NET1: variants seen among roughly 807,000 people sequenced by gnomAD.
The protein encoded by NET1 is neuroepithelial cell transforming 1.
NET1 carries 42 observed loss-of-function variants against 61.1 expected under a neutral mutation model. The ratio of observed to expected loss-of-function variants is 0.69; its 90% CI spans 0.54 to 0.89. The LOEUF (loss-of-function observed/expected upper bound fraction) is 0.89, where lower values mean the gene tolerates loss of function less well. NET1 is among the 40% of genes least tolerant of loss of function. The pLI is 0.00. For missense variants in NET1, 654 were observed against 747.3 expected, an observed-to-expected ratio of 0.88 and a Z score of 1.46; for synonymous variants, 254 against 281.8, an observed-to-expected ratio of 0.90 and a Z score of 0.99.
rs1832751838 is a variant in NET1, at chr10:5,453,930, G to C, written c.769-335G>C. ...AGGCAGTCTCTGCCTTTATAGCCTAGTGAAGGAATAGCCAAGCACATAAAC... is the reference window on the plus strand; with the variant it reads ...AGGCAGTCTCTGCCTTTATAGCCTACTGAAGGAATAGCCAAGCACATAAAC... On this transcript the variant is annotated intron_variant, in intron 8 of 11. Transcript: ENST00000355029. This position sits in a 1 kb window ranked among gnomAD's most constrained non-coding sequence, Gnocchi z 4.9. Among the ~76,000 whole-genome samples the C allele has an allele frequency of 6.6e-6, 1 of 152,144 alleles. No individual in the cohort carries two copies. The highest frequency in any genetic ancestry group is 1.9e-4 in the East Asian group (1 of 5,174).
chr10:5,423,094 G>T lies in NET1; in HGVS notation c.129-3561G>T, dbSNP rs1405640148. Among the ~76,000 whole-genome samples, 2 of 152,156 alleles carry T rather than the reference G, an allele frequency of 1.3e-5. No homozygotes were observed. The highest frequency in any genetic ancestry group is 2.4e-5 in the African/African-American group (1 of 41,442). ...GTATATGTACAGTGCTTGTCACATAGTAGGCACCCAATAAATGATAACATT... is the reference window on the plus strand; with the variant it reads ...GTATATGTACAGTGCTTGTCACATATTAGGCACCCAATAAATGATAACATT... On this transcript the variant is annotated intron_variant, in intron 1 of 11. Coordinates refer to ENST00000355029, the MANE Select transcript of NET1 (RefSeq NM_001047160.3). The surrounding 1 kb of genome is among the most constrained non-coding windows in gnomAD (Gnocchi z 4.4).
intron 1 of NET1, among the ~76,000 whole-genome samples, chr10:5,413,307 C>G (rs763298454): frequency 2.6e-5 from 4 of 152,144 alleles, no homozygotes; most frequent in African/African-American, 9.7e-5. Context: ...ATGGTGAGCA[C>G]CACGAGAATG....
In NET1 at chr10:5,431,741, A is replaced by G. The variant is rs1298797657; in HGVS notation, c.255+2512A>G. On this transcript the variant is annotated intron_variant, in intron 3 of 11. Coordinates refer to ENST00000355029, the MANE Select transcript of NET1 (RefSeq NM_001047160.3). This position sits in a 1 kb window ranked among gnomAD's most constrained non-coding sequence, Gnocchi z 4.9. Reference sequence around the variant, plus strand: ...GTATTATGAACTCATGCATATAAATACTTGTTTTACATGGATTCAGTTTTT... The same window carrying G: ...GTATTATGAACTCATGCATATAAATGCTTGTTTTACATGGATTCAGTTTTT... Among the ~76,000 whole-genome samples, 2 of 151,922 alleles carry G rather than the reference A, an allele frequency of 1.3e-5. No individual in the cohort carries two copies. Among genetic ancestry groups the G allele is most frequent in the African/African-American group, 4.8e-5 (2 of 41,352 alleles).
rs1832738022 is a variant in NET1 at position 5,453,262 on chromosome 10, C to T, written c.607C>T (p.Pro203Ser). The change falls in exon 7 of 12, where the codon CCC becomes TCC. Residue 203 changes from proline to serine, a missense_variant. Pro to Ser is a moderately conservative substitution (Grantham distance 74). Transcript: ENST00000355029. This position sits in a 1 kb window ranked among gnomAD's most constrained non-coding sequence, Gnocchi z 4.9. ...TCCCCTCTGACAGGCCTATCATGAC[C>T]CCATGTTAAAGTTGTCCATCATGTC... is the stretch of plus-strand genomic sequence containing the variant. ...LKLARKAYHD[P>S]MLKLSIMSEE... 1 of 1,602,796 alleles carries T rather than the reference C, an allele frequency of 6.2e-7. No individual in the cohort carries two copies. Among genetic ancestry groups the T allele is most frequent in the African/African-American group, 1.3e-5 (1 of 74,778 alleles).
chr10:5,436,968 T>C (rs1001603036), intron 3 of NET1, among the ~76,000 whole-genome samples: 1 of 152,214 alleles, frequency 6.6e-6, no homozygotes, highest in African/African-American at 2.4e-5. Context: ...AATGGTGTTC[T>C]TGGCCAAAAA....
intron 3 of NET1, among the ~76,000 whole-genome samples, chr10:5,432,691 C>G (rs1353293287): frequency 6.6e-6 from 1 of 151,660 alleles, no homozygotes; most frequent in East Asian, 1.9e-4. Context: ...CTCTTCTACC[C>G]TACTCACTCT....
Position 5,452,975 on chromosome 10 carries a change from A to G in NET1, c.594+55A>G. The G allele has an allele frequency of 3.4e-6, 4 of 1,172,874 alleles. No individual in the cohort carries two copies. The South Asian group carries it at 5.0e-5, about 15-fold the overall frequency. 72.7% of individuals were successfully genotyped at this position (1,172,874 alleles called of 1,614,324 possible). ...TAGTTTTTAAAAATTACATTTCACA[A>G]AATCTAAAGGATAGTTTTCTTAACC... On this transcript the variant is annotated intron_variant, in intron 6 of 11. Coordinates refer to ENST00000355029, the MANE Select transcript of NET1 (RefSeq NM_001047160.3). This position sits in a 1 kb window ranked among gnomAD's most constrained non-coding sequence, Gnocchi z 4.0.
chr10:5,456,870 G>A lies in NET1; in HGVS notation c.1667G>A (p.Cys556Tyr), dbSNP rs764210399. 1.9e-6 allele frequency: 3 copies of A among 1,614,050 alleles called. No homozygotes were observed. Among genetic ancestry groups the A allele is most frequent in the South Asian group, 1.1e-5 (1 of 91,068 alleles). ...GAAGTTGATGAAAACGCTTACAGAT[G>A]TGGCTCTGGCATGCAGATGGCAGAG... ...QVEVDENAYR[C>Y]GSGMQMAEDS... The change falls in exon 12 of 12, where the codon TGT (cysteine) becomes TAT (tyrosine). Residue 556 changes from cysteine (C) to tyrosine (Y), a missense_variant. By Grantham distance (194) the Cys-to-Tyr change is radical (BLOSUM62 -2). Coordinates refer to ENST00000355029, the MANE Select transcript of NET1 (RefSeq NM_001047160.3). The surrounding 1 kb of genome is among the most constrained non-coding windows in gnomAD (Gnocchi z 7.0).
chr10:5,436,702 A>G (rs1176440213), intron 3 of NET1, among the ~76,000 whole-genome samples: 1 of 152,184 alleles, frequency 6.6e-6, no homozygotes, highest in Non-Finnish European at 1.5e-5. Context: ...TAACATTCCA[A>G]ATACCACTTT....
chr10:5,434,418 A>G (rs1832393984), intron 3 of NET1, among the ~76,000 whole-genome samples: 2 of 152,294 alleles, frequency 1.3e-5, no homozygotes, highest in African/African-American at 4.8e-5. Flanking sequence ...TTTGCATGGC[A>G]TTGTTCTTGT....
rs890533729 is a variant in NET1, at chr10:5,447,085, G to T, written c.256-4745G>T. The stretch of plus-strand genomic sequence containing the variant: ...GAGTGTACACAGCTTTTATAAAAAA[G>T]GAAAAGATTTTAAATGTATATGTTA... On this transcript the variant is annotated intron_variant, in intron 3 of 11. Coordinates refer to ENST00000355029, the MANE Select transcript of NET1 (RefSeq NM_001047160.3). The surrounding 1 kb of genome is among the most constrained non-coding windows in gnomAD (Gnocchi z 4.1). Among the ~76,000 whole-genome samples the T allele has an allele frequency of 6.6e-6, 1 of 152,096 alleles. No individual in the cohort carries two copies. Among genetic ancestry groups the T allele is most frequent in the African/African-American group, 2.4e-5 (1 of 41,390 alleles).
chr10:5,413,349 G>C (rs572009575), intron 1 of NET1, among the ~76,000 whole-genome samples: 25 of 152,316 alleles, frequency 1.6e-4, no homozygotes, highest in African/African-American at 6.0e-4. Context: ...AAAAGACTAA[G>C]GGATAAGTTG....
At position 5,419,412 on chromosome 10, in the gene NET1, T is replaced by C. The variant is rs74113020; in HGVS notation, c.128+6592T>C. 3.7e-3 allele frequency among the ~76,000 whole-genome samples: 560 copies of C among 152,320 alleles called. 6 individuals carry two copies. The highest frequency in any genetic ancestry group is 0.012 in the African/African-American group (509 of 41,578). On this transcript the variant is annotated intron_variant, in intron 1 of 11. Transcript: ENST00000355029. The stretch of plus-strand genomic sequence containing the variant: ...TACTCCAATCACATTTAACGTTATT[T>C]ATTGATATAGTTGGATTTATGTCTG...
rs932004866 is a variant in NET1 at position 5,447,384 on chromosome 10, T to A, written c.256-4446T>A. ...AACCAGTGACTCATTATTTTTACCC[T>A]CCTTGCTTTGTCTGAGTCTTTTTTT... On this transcript the variant is annotated intron_variant, in intron 3 of 11. Transcript: ENST00000355029. The surrounding 1 kb of genome is among the most constrained non-coding windows in gnomAD (Gnocchi z 4.1). Among the ~76,000 whole-genome samples, 15 of 152,230 alleles carry A rather than the reference T, an allele frequency of 9.9e-5. No homozygotes were observed. Among genetic ancestry groups the A allele is most frequent in the Admixed American group, 5.9e-4 (9 of 15,290 alleles).
chr10:5,453,304 C>A lies in NET1; in HGVS notation c.649C>A (p.His217Asn). 1 of 1,612,884 alleles carries A rather than the reference C, an allele frequency of 6.2e-7. No individual in the cohort carries two copies. Among genetic ancestry groups the A allele is most frequent in the Non-Finnish European group, 8.5e-7 (1 of 1,178,908 alleles). ...CATCATGTCAGAAGAGGAACTCACA[C>A]ATATATTTGGTGATCTGGACTCTTA... is the stretch of plus-strand genomic sequence containing the variant. ...LSIMSEEELT[H>N]IFGDLDSYIP... is the part of the protein sequence containing the mutation. Residue 217 changes from histidine (H) to asparagine (N), a missense_variant, in exon 7 of 12, where the codon CAT becomes AAT. His to Asn is a moderately conservative substitution (Grantham distance 68). Coordinates refer to ENST00000355029, the MANE Select transcript of NET1 (RefSeq NM_001047160.3). The surrounding 1 kb of genome is among the most constrained non-coding windows in gnomAD (Gnocchi z 4.9).
In NET1 at chr10:5,421,138, G is replaced by A. The variant is rs1419637582; in HGVS notation, c.129-5517G>A. On this transcript the variant is annotated intron_variant, in intron 1 of 11. Transcript: ENST00000355029. The surrounding 1 kb of genome is among the most constrained non-coding windows in gnomAD (Gnocchi z 4.2). ...CATTAAAAGCAGTCAGACTTCCTAGGTTCAAATTCTGGCTCTTAAGGACCT... is the reference window on the plus strand; with the variant it reads ...CATTAAAAGCAGTCAGACTTCCTAGATTCAAATTCTGGCTCTTAAGGACCT... Among the ~76,000 whole-genome samples, 1 of 152,120 alleles carries A rather than the reference G, an allele frequency of 6.6e-6. No individual in the cohort carries two copies. Among genetic ancestry groups the A allele is most frequent in the Non-Finnish European group, 1.5e-5 (1 of 68,020 alleles).
intron 2 of NET1, among the ~76,000 whole-genome samples, chr10:5,428,579 A>G (rs1465287913): frequency 1.2e-4 from 19 of 152,040 alleles, no homozygotes; most frequent in Admixed American, 1.2e-3. Flanking sequence ...CTTGATTTAC[A>G]TAAGAGTTCT....
chr10:5,453,822 C>A lies in NET1; in HGVS notation c.768+262C>A, dbSNP rs1212422268. On this transcript the variant is annotated intron_variant, in intron 8 of 11. Coordinates refer to ENST00000355029, the MANE Select transcript of NET1 (RefSeq NM_001047160.3). This position sits in a 1 kb window ranked among gnomAD's most constrained non-coding sequence, Gnocchi z 4.9. ...AATTCCCACATCATGTGTGATTATC[C>A]GTTGCATTCTGTCATGTATGTTTAA... Among the ~76,000 whole-genome samples, 4 of 151,994 alleles carry A rather than the reference C, an allele frequency of 2.6e-5. No individual in the cohort carries two copies. Among genetic ancestry groups the A allele is most frequent in the African/African-American group, 9.7e-5 (4 of 41,388 alleles).
In NET1 at chr10:5,453,655, C is replaced by A; in HGVS notation, c.768+95C>A. On this transcript the variant is annotated intron_variant, in intron 8 of 11. Transcript: ENST00000355029. This position sits in a 1 kb window ranked among gnomAD's most constrained non-coding sequence, Gnocchi z 4.9. ...ATGAGACAGATTTGATCCCACAACT[C>A]TGTTCTACAAACACATAAGGCGTTA... is the stretch of plus-strand genomic sequence containing the variant. The A allele has an allele frequency of 9.2e-7, 1 of 1,086,206 alleles. No homozygotes were observed. The highest frequency in any genetic ancestry group is 2.4e-5 in the East Asian group (1 of 42,238). The allele number at this position is 1,086,206 out of a possible 1,614,324, so 67.3% of individuals were successfully genotyped here. A position where few individuals can be genotyped will look rare whatever the true frequency, so the allele number is the denominator to read the frequency against.
Sources: allele counts gnomAD v4.1 joint callset (sites outside exome capture counted in the v4.1 genomes callset), GRCh38; gene constraint gnomAD v4.1.1; non-coding constraint Gnocchi (gnomAD v3.1); transcripts MANE v1.5; gene names NCBI Gene and HGNC (gene_info 2026-07-23, HGNC 2026-07-21).